Variants in APC observed in about 807,000 individuals in gnomAD.
The protein encoded by APC is adenomatous polyposis coli protein.
A neutral mutation model predicts 247.0 loss-of-function variants in APC; 72 were observed. The ratio of observed to expected loss-of-function variants is 0.29; its 90% CI spans 0.24 to 0.35. The LOEUF is 0.35. Among genes scored for constraint, APC ranks in the 10% least tolerant of loss-of-function variants. The pLI, the probability that APC is intolerant of heterozygous loss-of-function variation, is 1.00. For synonymous variants in APC, 1,254 were observed against 1,162.5 expected (o/e 1.08, Z -1.60); for missense variants, 3,400 against 3,360.7 (o/e 1.01, Z -0.29).
chr5:112,763,237 C>A (rs1311999503), intron 2 of APC, among the ~76,000 whole-genome samples: 1 of 151,858 alleles, frequency 6.6e-6, no homozygotes, highest in African/African-American at 2.4e-5. Context: ...AAATCAAAAT[C>A]AACTATTTTT....
At chr5:112,787,086 C>G (rs1759043179) in intron 6 of APC, among the ~76,000 whole-genome samples, 1 of 152,076 alleles carries the variant, frequency 6.6e-6, no homozygotes, top group Non-Finnish European at 1.5e-5. Flanking sequence ...CGGGGTTTCA[C>G]TATGTTGCCC....
chr5:112,718,421 T>TTC, intron 1 of APC, among the ~76,000 whole-genome samples: 1 of 152,302 alleles, frequency 6.6e-6, no homozygotes, highest in Middle Eastern at 3.4e-3. Context: ...AGTCCATGGT[T>TTC]TCCTTCTGGT....
intron 5 of APC, 102 bp from the exon 6 acceptor site, chr5:112,780,688 T>C (rs759170083): frequency 2.5e-6 from 2 of 807,662 alleles, no homozygotes; most frequent in Admixed American, 4.2e-5. Flanking sequence ...GACTGACGTA[T>C]TTGCTTATTC....
At position 112,797,939 on chromosome 5, in the gene APC, G is replaced by A. The variant is rs890154171; in HGVS notation, c.730-3340G>A. Among the ~76,000 whole-genome samples the A allele has an allele frequency of 5.3e-5, 8 of 152,170 alleles. No individual in the cohort carries two copies. In the East Asian group the frequency reaches 5.8e-4, roughly 11 times the overall value. On this transcript the variant is annotated intron_variant, in intron 7 of 15. Coordinates refer to ENST00000257430, the MANE Select transcript of APC (RefSeq NM_000038.6). ...CATAAAGGCAATAATAAGCATTGACGAAGATGTGGAGAAGCAGGATCCCTC... is the reference window on the plus strand; with the variant it reads ...CATAAAGGCAATAATAAGCATTGACAAAGATGTGGAGAAGCAGGATCCCTC...
intron 4 of APC, among the ~76,000 whole-genome samples, chr5:112,768,204 T>A (rs1214707243): frequency 6.6e-6 from 1 of 151,998 alleles, no homozygotes; most frequent in African/African-American, 2.4e-5. Context: ...CCACCACGCC[T>A]GGCTAATTTT....
chr5:112,775,879 AAT>A (rs1757591716), intron 5 of APC, 142 bp downstream of exon 5: 1 of 529,136 alleles, frequency 1.9e-6, no homozygotes, highest in African/African-American at 1.9e-5. Context: ...TTTAGGCCTG[AAT>A]ATATAATAGT....
At chr5:112,796,954 T>C (rs1760270518) in intron 7 of APC, among the ~76,000 whole-genome samples, 1 of 152,102 alleles carries the variant, frequency 6.6e-6, no homozygotes, top group Non-Finnish European at 1.5e-5. Flanking sequence ...TAATATAAAA[T>C]AGCCCTCTAT....
chr5:112,780,092 G>A lies in APC; in HGVS notation c.532-698G>A, dbSNP rs1046895113. 2.0e-5 allele frequency among the ~76,000 whole-genome samples: 3 copies of A among 152,202 alleles called. No homozygotes were observed. The East Asian group carries it at 5.8e-4, about 29-fold the overall frequency. On this transcript the variant is annotated intron_variant, in intron 5 of 15. Transcript: ENST00000257430. ...TACCTTGTCCTTTTAAAATCCTGTTGCATGCTTGGCAGTTATCACAGTCCT... is the reference window on the plus strand; with the variant it reads ...TACCTTGTCCTTTTAAAATCCTGTTACATGCTTGGCAGTTATCACAGTCCT...
chr5:112,772,664 C>G (rs549325909), intron 4 of APC, among the ~76,000 whole-genome samples: 2 of 152,014 alleles, frequency 1.3e-5, no homozygotes, highest in African/African-American at 4.8e-5. Context: ...CTATGAGTAT[C>G]TGCCACAGCG....
intron 14 of APC, among the ~76,000 whole-genome samples, chr5:112,834,540 G>A (rs555805659): frequency 1.3e-5 from 2 of 152,048 alleles, no homozygotes; most frequent in South Asian, 4.1e-4. Context: ...ACTGTGCCCG[G>A]CCACATGCCG....
intron 2 of APC, among the ~76,000 whole-genome samples, chr5:112,762,584 A>G (rs1449466781): frequency 6.6e-6 from 1 of 152,210 alleles, no homozygotes; most frequent in Non-Finnish European, 1.5e-5. Context: ...AAAAAAAGTG[A>G]GACACAAAAT....
At chr5:112,711,492 G>C (rs1750846310) in intron 1 of APC, among the ~76,000 whole-genome samples, 1 of 152,188 alleles carries the variant, frequency 6.6e-6, no homozygotes, top group African/African-American at 2.4e-5. Flanking sequence ...TATACTTCCT[G>C]ATTCTGTATT....
intron 1 of APC, among the ~76,000 whole-genome samples, chr5:112,712,409 C>T (rs1023716472): frequency 5.3e-5 from 8 of 152,064 alleles, no homozygotes; most frequent in East Asian, 1.9e-4. Flanking sequence ...GTGAGACCGA[C>T]GGGGTTTCAC....
chr5:112,797,267 AT>A (rs35231540), intron 7 of APC, among the ~76,000 whole-genome samples: 9,109 of 152,164 alleles, frequency 0.06, 395 homozygotes, highest in Non-Finnish European at 0.09. Context: ...ACTTTTTACA[AT>A]TTTGCCGTTT....
chr5:112,761,152 G>A (rs1416845155), intron 2 of APC, among the ~76,000 whole-genome samples: 1 of 152,146 alleles, frequency 6.6e-6, no homozygotes, highest in African/African-American at 2.4e-5. Context: ...GAGGAGATCA[G>A]ACCCCAACAA....
chr5:112,836,941 TC>T (rs1467374477), intron 15 of APC, among the ~76,000 whole-genome samples: 2 of 152,266 alleles, frequency 1.3e-5, no homozygotes, highest in East Asian at 3.9e-4. Flanking sequence ...TCTCAGGTGA[TC>T]CGCCTGCCTC....
At chr5:112,828,097 G>C in intron 13 of APC, 91 bp downstream of exon 13, 1 of 1,037,324 alleles carries the variant, frequency 9.6e-7, no homozygotes, top group Non-Finnish European at 1.5e-6. Context: ...GGGCAGTTGT[G>C]CAATCTCAGC....
rs2149813449 is a variant in APC, at chr5:112,827,954, G to A, written c.1574G>A (p.Cys525Tyr). 1 of 1,613,198 alleles carries A rather than the reference G, an allele frequency of 6.2e-7. No individual in the cohort carries two copies. Among genetic ancestry groups the A allele is most frequent in the Non-Finnish European group, 8.5e-7 (1 of 1,179,772 alleles). ...GCTACGCTATGCTCTATGAAAGGCT[G>A]CATGAGAGCACTTGTGGCCCAACTA... ...NKATLCSMKG[C>Y]MRALVAQLKS... Residue 525 changes from cysteine (C) to tyrosine (Y), a missense_variant, in exon 13 of 16, where the codon TGC (cysteine) becomes TAC (tyrosine). Cys to Tyr is a radical substitution (Grantham distance 194). This residue lies in a region of APC where 184 missense variants were observed against 248.0 expected (regional missense o/e 0.74). Coordinates refer to ENST00000257430, the MANE Select transcript of APC (RefSeq NM_000038.6).
rs998726140 is a variant in APC, at chr5:112,843,682, T to A, written c.8088T>A (p.Asp2696Glu). The A allele has an allele frequency of 6.2e-7, 1 of 1,614,004 alleles. No homozygotes were observed. The highest frequency in any genetic ancestry group is 8.5e-7 in the Non-Finnish European group (1 of 1,179,922). The change falls in exon 16 of 16, where the codon GAT (aspartate) becomes GAA (glutamate). Residue 2696 changes from aspartate to glutamate, a missense_variant. Physicochemically the swap from Asp to Glu is conservative, Grantham distance 45. Transcript: ENST00000257430. This position sits in a 1 kb window ranked among gnomAD's most constrained non-coding sequence, Gnocchi z 4.8. Reference sequence around the variant, plus strand: ...AAAAGGCAAATCCAAACATTAAAGATTCAAAAGATAATCAGGCAAAACAAA... The same window carrying A: ...AAAAGGCAAATCCAAACATTAAAGAATCAAAAGATAATCAGGCAAAACAAA... ...VSEKANPNIK[D>E]SKDNQAKQNV...
Sources: allele counts gnomAD v4.1 joint callset (sites outside exome capture counted in the v4.1 genomes callset), GRCh38; gene constraint gnomAD v4.1.1; regional missense constraint gnomAD v4.1.1; non-coding constraint Gnocchi (gnomAD v3.1); transcripts MANE v1.5; gene names NCBI Gene and HGNC (gene_info 2026-07-23, HGNC 2026-07-21).